BACH1: variants seen among roughly 807,000 people sequenced by gnomAD.
BACH1 encodes transcription regulator protein BACH1.
In BACH1, 35 loss-of-function variants were observed where a neutral mutation model predicts 52.9. The ratio of observed to expected loss-of-function variants is 0.66; its 90% CI spans 0.51 to 0.88. The LOEUF (loss-of-function observed/expected upper bound fraction) is 0.88, where lower values mean the gene tolerates loss of function less well. Among genes scored for constraint, BACH1 ranks in the 40% least tolerant of loss-of-function variants. The pLI, the probability that BACH1 is intolerant of heterozygous loss-of-function variation, is 0.00. For missense variants in BACH1, 808 were observed against 872.6 expected (o/e 0.93, Z 0.93); for synonymous variants, 321 against 319.6 (o/e 1.00, Z -0.05).
intron 2 of BACH1, among the ~76,000 whole-genome samples, chr21:29,360,085 C>T (rs2089262120): frequency 6.6e-6 from 1 of 152,220 alleles, no homozygotes; most frequent in South Asian, 2.1e-4. Context: ...GACCTGGAAT[C>T]CCTTACTTCG....
chr21:29,338,486 C>T (rs1250899111), intron 4 of BACH1, among the ~76,000 whole-genome samples: 2 of 152,230 alleles, frequency 1.3e-5, no homozygotes, highest in East Asian at 3.9e-4. Context: ...CAAATCCTCT[C>T]ATATCAGCCT....
At chr21:29,312,582 G>A (rs2088738330) in intron 1 of BACH1, among the ~76,000 whole-genome samples, 1 of 152,078 alleles carries the variant, frequency 6.6e-6, no homozygotes, top group Non-Finnish European at 1.5e-5. Context: ...ATTCACGGTT[G>A]ATATTTAAAA....
intron 1 of BACH1, among the ~76,000 whole-genome samples, chr21:29,315,826 A>G (rs1354483962): frequency 6.6e-6 from 1 of 152,176 alleles, no homozygotes; most frequent in Non-Finnish European, 1.5e-5. Flanking sequence ...TTGAGGCATC[A>G]TTCTCATTTT....
Position 29,327,407 on chromosome 21 carries a change from TG to T in BACH1, c.1569+15del. 1.3e-6 allele frequency: 2 copies of T among 1,599,818 alleles called. No individual in the cohort carries two copies. Among genetic ancestry groups the T allele is most frequent in the Non-Finnish European group, 1.7e-6 (2 of 1,172,518 alleles). ...CAAGAATGTGAGGTGAGCAGGAATA[TG>T]TTCTTAATTCATTGTTTTAATAACC... is the stretch of plus-strand genomic sequence containing the variant. On this transcript the variant is annotated intron_variant, in intron 3 of 4. Coordinates refer to ENST00000286800, the MANE Select transcript of BACH1 (RefSeq NM_001186.4).
At chr21:29,334,653 T>G (rs1199159912) in intron 4 of BACH1, among the ~76,000 whole-genome samples, 1 of 152,226 alleles carries the variant, frequency 6.6e-6, no homozygotes, top group African/African-American at 2.4e-5. Flanking sequence ...TATCAAATAT[T>G]GTTTTCGATA....
intron 1 of BACH1, among the ~76,000 whole-genome samples, chr21:29,312,844 A>G (rs991806780): frequency 2.6e-5 from 4 of 152,222 alleles, no homozygotes; most frequent in Admixed American, 6.5e-5. Context: ...AAATAGATCT[A>G]TATTTTCATT....
intron 2 of BACH1, among the ~76,000 whole-genome samples, chr21:29,354,965 TAGA>T (rs2089224544): frequency 6.6e-6 from 1 of 152,014 alleles, no homozygotes; most frequent in Admixed American, 6.5e-5. Context: ...TAAGGAACAC[TAGA>T]GGAGAAGGAA....
At chr21:29,347,764 C>G (rs2089178284), downstream of BACH1, among the ~76,000 whole-genome samples, 1 of 152,192 alleles carries the variant, frequency 6.6e-6, no homozygotes. Context: ...AATTCAAAGG[C>G]TACTCTGTAC....
At chr21:29,347,164 G>A (rs142884215), downstream of BACH1, among the ~76,000 whole-genome samples, 5 of 152,336 alleles carry the variant, frequency 3.3e-5, no homozygotes, top group East Asian at 9.6e-4. Flanking sequence ...ATAAAAAGTA[G>A]GTGAAGTCCA....
At chr21:29,322,178 A>T (rs1474153036) in intron 2 of BACH1, among the ~76,000 whole-genome samples, 1 of 152,134 alleles carries the variant, frequency 6.6e-6, no homozygotes, top group Non-Finnish European at 1.5e-5. Flanking sequence ...CCCTCCCATG[A>T]CGTGGCAATT....
chr21:29,301,512 T>G (rs1288416514), intron 1 of BACH1, among the ~76,000 whole-genome samples: 1 of 152,258 alleles, frequency 6.6e-6, no homozygotes, highest in Non-Finnish European at 1.5e-5. Flanking sequence ...CTATTGTCTG[T>G]ATGTTTTACT....
At chr21:29,338,347 A>AT (rs770706998) in intron 4 of BACH1, among the ~76,000 whole-genome samples, 13 of 151,624 alleles carry the variant, frequency 8.6e-5, no homozygotes, top group African/African-American at 1.2e-4. Context: ...CATACAATTA[A>AT]TTTTTTTTTC....
intron 2 of BACH1, among the ~76,000 whole-genome samples, chr21:29,353,324 T>C (rs193255535): frequency 6.6e-6 from 1 of 152,238 alleles, no homozygotes; most frequent in East Asian, 1.9e-4. Context: ...AATGAAACAA[T>C]GTATGGAAGA....
intron 4 of BACH1, among the ~76,000 whole-genome samples, chr21:29,338,564 C>G (rs541830209): frequency 6.6e-6 from 1 of 151,946 alleles, no homozygotes; most frequent in Non-Finnish European, 1.5e-5. Flanking sequence ...GGTGAGGTTT[C>G]GCTGTGTTGC....
At position 29,329,504 on chromosome 21, in the gene BACH1, T is replaced by A; in HGVS notation, c.1587T>A (p.Asn529Lys). The part of the protein sequence containing the change: ...EQECEVKLPF[N>K]AQRIISLSRN... The stretch of plus-strand genomic sequence containing the variant: ...TATTCTAGGTAAAACTGCCATTCAA[T>A]GCACAACGGATAATTTCACTGTCTC... The change falls in exon 4 of 5, where the codon AAT (asparagine) becomes AAA (lysine). Residue 529 changes from asparagine to lysine, a missense_variant. By Grantham distance (94) the Asn-to-Lys change is moderately conservative. Transcript: ENST00000286800. 6.3e-7 allele frequency: 1 copy of A among 1,582,164 alleles called. No individual in the cohort carries two copies. Among genetic ancestry groups the A allele is most frequent in the Non-Finnish European group, 8.6e-7 (1 of 1,167,594 alleles).
At chr21:29,352,269 G>C (rs1418884208) in intron 2 of BACH1, among the ~76,000 whole-genome samples, 2 of 152,018 alleles carry the variant, frequency 1.3e-5, no homozygotes, top group Non-Finnish European at 2.9e-5. Context: ...GGCCAGGCTG[G>C]TCTTGAACTC....
chr21:29,308,522 T>C (rs1229841657), intron 1 of BACH1, among the ~76,000 whole-genome samples: 2 of 152,150 alleles, frequency 1.3e-5, no homozygotes, highest in Non-Finnish European at 2.9e-5. Flanking sequence ...CACCCCCCTT[T>C]TTGACTCAAA....
chr21:29,320,187 CAGGAGA>C (rs1297041816), intron 1 of BACH1, among the ~76,000 whole-genome samples: 1 of 152,186 alleles, frequency 6.6e-6, no homozygotes, highest in African/African-American at 2.4e-5. Context: ...TCCCATGTGT[CAGGAGA>C]ACAGAAGTGA....
At chr21:29,299,586 C>T (rs538160567) in intron 1 of BACH1, 1 of 152,404 alleles carries the variant, frequency 6.6e-6, no homozygotes, top group Admixed American at 6.5e-5. Context: ...GTAATTAAGC[C>T]TCGCACAATA....
Sources: gnomAD v4.1 joint callset for allele counts (sites outside exome capture counted in the v4.1 genomes callset) on GRCh38, gnomAD v4.1.1 for gene constraint, MANE v1.5 for transcripts, NCBI Gene and HGNC (gene_info 2026-07-23, HGNC 2026-07-21) for gene names.